DMXL2: variants seen among roughly 807,000 people sequenced by gnomAD.
DMXL2 encodes Dmx like 2.
A neutral mutation model predicts 331.1 loss-of-function variants in DMXL2; 103 were observed. The observed-to-expected ratio is 0.31, with a 90% CI of 0.27 to 0.37. The LOEUF (loss-of-function observed/expected upper bound fraction) is 0.37, where lower values mean the gene tolerates loss of function less well. Among genes scored for constraint, DMXL2 ranks in the 10% least tolerant of loss-of-function variants. The pLI is 1.00. For missense variants in DMXL2, 3,171 were observed against 3,642.9 expected (o/e 0.87, Z 3.33); for synonymous variants, 1,281 against 1,252.1 (o/e 1.02, Z -0.49).
intron 1 of DMXL2, among the ~76,000 whole-genome samples, chr15:51,600,795 G>C (rs1178801340): frequency 6.6e-6 from 1 of 152,184 alleles, no homozygotes; most frequent in East Asian, 1.9e-4. Flanking sequence ...CCTGGCCATA[G>C]GTCTGACATT....
intron 39 of DMXL2, among the ~76,000 whole-genome samples, chr15:51,455,434 T>G (rs1267318134): frequency 6.6e-6 from 1 of 152,168 alleles, no homozygotes; most frequent in Non-Finnish European, 1.5e-5. Flanking sequence ...GGTCTCATTC[T>G]GTTACCCAGG....
rs544209831 is a variant in DMXL2 at position 51,522,659 on chromosome 15, A to T, written c.2437-5492T>A. 4.1e-3 allele frequency among the ~76,000 whole-genome samples: 619 copies of T among 152,304 alleles called. 3 individuals are homozygous for T. Among genetic ancestry groups the T allele is most frequent in the African/African-American group, 0.013 (550 of 41,564 alleles). On this transcript the variant is annotated intron_variant, in intron 13 of 43. Coordinates refer to ENST00000560891, the MANE Select transcript of DMXL2 (RefSeq NM_001378457.1). ...GACTCTGTCTCAAAAAAATAAAAAC[A>T]TAAAATAAATAAATAAACAAACAAG...
chr15:51,490,828 A>G (rs1370988899), intron 20 of DMXL2, among the ~76,000 whole-genome samples: 1 of 152,254 alleles, frequency 6.6e-6, no homozygotes, highest in African/African-American at 2.4e-5. Context: ...CTTCAAGTAC[A>G]TACAAATCAA....
At chr15:51,507,380 A>G (rs2046467923) in intron 15 of DMXL2, 127 bp from the exon 16 acceptor site, 1 of 859,630 alleles carries the variant, frequency 1.2e-6, no homozygotes, top group Non-Finnish European at 1.7e-6. Context: ...GAAAGACTTT[A>G]AGGAGGAGTT....
intron 15 of DMXL2, among the ~76,000 whole-genome samples, chr15:51,511,272 G>A (rs1041119663): frequency 6.6e-6 from 1 of 152,172 alleles, no homozygotes; most frequent in African/African-American, 2.4e-5. Flanking sequence ...CAGAATGGGA[G>A]AAAATTTTTG....
intron 17 of DMXL2, among the ~76,000 whole-genome samples, chr15:51,501,936 A>T (rs963407946): frequency 3.1e-4 from 43 of 137,594 alleles, no homozygotes; most frequent in African/African-American, 4.7e-4. Context: ...AAAAAAAAAA[A>T]TTTCATTATT....
At chr15:51,464,939 T>C (rs1290566389) in intron 31 of DMXL2, 63 bp from the exon 32 acceptor site, 2 of 1,364,434 alleles carry the variant, frequency 1.5e-6, no homozygotes, top group Non-Finnish European at 2.0e-6. Context: ...CCCAAATATT[T>C]ATAGAATCTG....
intron 5 of DMXL2, 126 bp from the exon 6 acceptor site, chr15:51,563,573 C>A: frequency 1.9e-6 from 1 of 529,238 alleles, no homozygotes; most frequent in Non-Finnish European, 3.2e-6. Context: ...TTTTGCTTCC[C>A]TAAAAATATA....
intron 6 of DMXL2, among the ~76,000 whole-genome samples, chr15:51,555,086 A>G (rs1161231261): frequency 6.6e-6 from 1 of 152,190 alleles, no homozygotes; most frequent in African/African-American, 2.4e-5. Context: ...TGAACCCAGG[A>G]GGCAGAGGTT....
At chr15:51,570,580 C>T (rs770500078) in intron 2 of DMXL2, among the ~76,000 whole-genome samples, 1 of 152,208 alleles carries the variant, frequency 6.6e-6, no homozygotes, top group Non-Finnish European at 1.5e-5. Context: ...GCCCATCAGA[C>T]TAACAGCAGA....
At chr15:51,549,003 T>C (rs1481374807) in intron 6 of DMXL2, among the ~76,000 whole-genome samples, 2 of 152,042 alleles carry the variant, frequency 1.3e-5, no homozygotes, top group Non-Finnish European at 2.9e-5. Context: ...CAGGTAGTGT[T>C]TGGTTACATG....
chr15:51,557,379 G>A (rs564050750), intron 6 of DMXL2, among the ~76,000 whole-genome samples: 1 of 152,156 alleles, frequency 6.6e-6, no homozygotes, highest in Non-Finnish European at 1.5e-5. Context: ...AGGAAAAAAA[G>A]GTCTAAAATA....
chr15:51,452,446 T>G (rs2039231419), intron 41 of DMXL2, among the ~76,000 whole-genome samples: 1 of 151,990 alleles, frequency 6.6e-6, no homozygotes, highest in Non-Finnish European at 1.5e-5. Context: ...GCAAAGGACA[T>G]GAACAGATAA....
intron 9 of DMXL2, among the ~76,000 whole-genome samples, chr15:51,539,927 G>T (rs2048495113): frequency 6.6e-6 from 1 of 152,176 alleles, no homozygotes; most frequent in Non-Finnish European, 1.5e-5. Flanking sequence ...GGACATTCTG[G>T]TAATGTTCTA....
chr15:51,588,550 C>T (rs926186742), intron 1 of DMXL2, among the ~76,000 whole-genome samples: 31 of 152,182 alleles, frequency 2.0e-4, no homozygotes, highest in African/African-American at 7.5e-4. Flanking sequence ...TATATTATGT[C>T]ATATATACCA....
Position 51,542,420 on chromosome 15 carries a change from C to A in DMXL2, c.1018G>T (p.Ala340Ser). ...ATGTGTCTTTGAACTTCATGCATTG[C>A]TGTCTGGTCGGGCATTAATTCAGCA... ...THAELMPDQTAMHEVQRHISH... is the reference protein window; with the variant it reads ...THAELMPDQTSMHEVQRHISH... The change falls in exon 9 of 44, where the codon GCA becomes TCA. Residue 340 changes from alanine (A) to serine (S), a missense_variant. Ala to Ser is a moderately conservative substitution (Grantham distance 99). This residue lies in a region of DMXL2 where 1,674 missense variants were observed against 1,780.2 expected (regional missense o/e 0.94). Transcript: ENST00000560891. 1 of 1,613,726 alleles carries A rather than the reference C, an allele frequency of 6.2e-7. No individual in the cohort carries two copies.
chr15:51,586,994 A>AT (rs1277233593), intron 1 of DMXL2, among the ~76,000 whole-genome samples: 1 of 151,860 alleles, frequency 6.6e-6, no homozygotes, highest in East Asian at 1.9e-4. Flanking sequence ...AAAAAAAAAA[A>AT]AAATCAATAC....
intron 14 of DMXL2, among the ~76,000 whole-genome samples, chr15:51,515,424 A>C (rs1018169645): frequency 5.9e-5 from 9 of 152,300 alleles, no homozygotes; most frequent in South Asian, 2.1e-4. Context: ...ATAGAAAGAA[A>C]TAAAAGGATT....
At position 51,502,699 on chromosome 15, in the gene DMXL2, T is replaced by C. The variant is rs74817662; in HGVS notation, c.2992+107A>G. ...AATAGAAAATCAATCTTTATTTTAA[T>C]GTCAACATAGAACATATTTCAGAAG... is the stretch of plus-strand genomic sequence containing the variant. On this transcript the variant is annotated intron_variant, in intron 17 of 43. Coordinates refer to ENST00000560891, the MANE Select transcript of DMXL2 (RefSeq NM_001378457.1). 26 of 722,506 alleles carry C rather than the reference T, an allele frequency of 3.6e-5. No homozygotes were observed. In the East Asian group the frequency reaches 5.5e-4, roughly 15 times the overall value. The allele number at this position is 722,506 out of a possible 1,614,324, so 44.8% of individuals were successfully genotyped here.
Sources: gnomAD v4.1 joint callset for allele counts (sites outside exome capture counted in the v4.1 genomes callset) on GRCh38, gnomAD v4.1.1 for gene constraint, gnomAD v4.1.1 regional missense constraint, MANE v1.5 for transcripts, NCBI Gene and HGNC (gene_info 2026-07-23, HGNC 2026-07-21) for gene names.